The following CHIC2 variants were observed in gnomAD, a reference collection of about 807,000 sequenced individuals.
CHIC2 encodes the protein cysteine-rich hydrophobic domain-containing protein 2.
Under a neutral mutation model 25.9 loss-of-function variants are expected in CHIC2, and 14 were observed. The ratio of observed to expected loss-of-function variants is 0.54; its 90% CI spans 0.36 to 0.85. CHIC2 has a LOEUF of 0.85. Among genes scored for constraint, CHIC2 ranks in the 40% least tolerant of loss-of-function variants. CHIC2 has a pLI of 0.01. For synonymous variants in CHIC2, 70 were observed against 72.0 expected (o/e 0.97, Z 0.14); for missense variants, 146 against 202.0 (o/e 0.72, Z 1.68).
At chr4:54,041,832 G>C (rs1716587554) in intron 3 of CHIC2, among the ~76,000 whole-genome samples, 1 of 152,120 alleles carries the variant, frequency 6.6e-6, no homozygotes, top group African/African-American at 2.4e-5. Flanking sequence ...CTGCTCTAGA[G>C]GGGAACATCA....
At chr4:54,030,247 G>A (rs1044069449) in intron 3 of CHIC2, among the ~76,000 whole-genome samples, 3 of 152,138 alleles carry the variant, frequency 2.0e-5, no homozygotes, top group African/African-American at 7.2e-5. Flanking sequence ...GCCAGGTGCG[G>A]TGGCTCATGC....
chr4:54,048,779 A>G (rs1716910168), intron 3 of CHIC2, 176 bp downstream of exon 3: 1 of 469,002 alleles, frequency 2.1e-6, no homozygotes. Flanking sequence ...TGGCTATTTA[A>G]TAACAGCACT....
the CHIC2 span, among the ~76,000 whole-genome samples, chr4:54,079,704 A>G: frequency 6.6e-6 from 1 of 152,070 alleles, no homozygotes; most frequent in Non-Finnish European, 1.5e-5. Context: ...GCAAATCAAA[A>G]CCACAATGGG....
upstream of CHIC2, among the ~76,000 whole-genome samples, chr4:54,065,581 C>A (rs1717498706): frequency 2.0e-5 from 3 of 152,158 alleles, no homozygotes; most frequent in South Asian, 6.2e-4. Context: ...GTCTACTTAG[C>A]TGCCTAGTAA....
chr4:54,073,210 T>G, the CHIC2 span, among the ~76,000 whole-genome samples: 2 of 152,172 alleles, frequency 1.3e-5, no homozygotes, highest in African/African-American at 4.8e-5. Flanking sequence ...CCATCAGCCT[T>G]GGTTTGGTCA....
At position 54,010,020 on chromosome 4, in the gene CHIC2, C is replaced by T. The variant is rs1715536204; in HGVS notation, c.*75G>A. 1 of 970,002 alleles carries T rather than the reference C, an allele frequency of 1.0e-6. No individual in the cohort carries two copies. Among genetic ancestry groups the T allele is most frequent in the African/African-American group, 1.7e-5 (1 of 59,518 alleles). 60.1% of individuals were successfully genotyped at this position (970,002 alleles called of 1,614,324 possible). On this transcript the variant is annotated 3_prime_UTR_variant, in exon 6 of 6. Coordinates refer to ENST00000263921, the MANE Select transcript of CHIC2 (RefSeq NM_012110.4). Reference sequence around the variant, plus strand: ...ATTCTGTAGAACCAATGTTATGTCACCACCAGGAGAGCACCAAGCAAGGCA... The same window carrying T: ...ATTCTGTAGAACCAATGTTATGTCATCACCAGGAGAGCACCAAGCAAGGCA...
At chr4:54,080,799 G>T in the CHIC2 span, among the ~76,000 whole-genome samples, 4 of 151,240 alleles carry the variant, frequency 2.6e-5, no homozygotes, top group African/African-American at 9.7e-5. Context: ...GTACAGCATG[G>T]TGACAATGGT....
Position 54,009,818 on chromosome 4 carries a change from T to A in CHIC2, c.*277A>T. On this transcript the variant is annotated 3_prime_UTR_variant, in exon 6 of 6. Transcript: ENST00000263921. ...TATGCTAAGTTCAAATGTATTTTTT[T>A]GATAATACAAAAAAGTAATCCTTGA... The A allele has an allele frequency of 3.5e-6, 1 of 285,534 alleles. No homozygotes were observed. Among genetic ancestry groups the A allele is most frequent in the East Asian group, 5.3e-5 (1 of 19,038 alleles). The allele number at this position is 285,534 out of a possible 1,614,324, so 17.7% of individuals were successfully genotyped here. A position where few individuals can be genotyped will look rare whatever the true frequency, so the allele number is the denominator to read the frequency against.
the CHIC2 span, among the ~76,000 whole-genome samples, chr4:54,075,620 C>G: frequency 6.6e-6 from 1 of 152,218 alleles, no homozygotes; most frequent in African/African-American, 2.4e-5. Context: ...GTGGCTCCAT[C>G]TCAGCTCACT....
At chr4:54,027,088 G>GA (rs1716084598) in intron 3 of CHIC2, among the ~76,000 whole-genome samples, 1 of 152,112 alleles carries the variant, frequency 6.6e-6, no homozygotes, top group African/African-American at 2.4e-5. Flanking sequence ...AAAGCTGGAT[G>GA]AAAAAACGAA....
At chr4:54,048,335 A>T (rs1253750944) in intron 3 of CHIC2, among the ~76,000 whole-genome samples, 2 of 152,112 alleles carry the variant, frequency 1.3e-5, no homozygotes, top group African/African-American at 4.8e-5. Context: ...CTTTGAAATT[A>T]TTTTTTCTGA....
chr4:54,090,651 G>T, the CHIC2 span, among the ~76,000 whole-genome samples: 1 of 152,148 alleles, frequency 6.6e-6, no homozygotes, highest in African/African-American at 2.4e-5. Context: ...TGTGCCAAGG[G>T]ATGTCAGGCT....
At chr4:54,090,972 A>G in the CHIC2 span, among the ~76,000 whole-genome samples, 2 of 151,944 alleles carry the variant, frequency 1.3e-5, no homozygotes, top group African/African-American at 4.8e-5. Context: ...GAAGTTCCAA[A>G]ACAAATGAGA....
intron 3 of CHIC2, among the ~76,000 whole-genome samples, chr4:54,024,247 AAGCCGCT>A (rs1444562252): frequency 6.6e-6 from 1 of 152,182 alleles, no homozygotes; most frequent in Non-Finnish European, 1.5e-5. Context: ...TGTAGGTTAC[AAGCCGCT>A]AGCCCATCTC....
chr4:54,015,329 T>C (rs1440997281), intron 3 of CHIC2, among the ~76,000 whole-genome samples: 1 of 151,938 alleles, frequency 6.6e-6, no homozygotes, highest in Non-Finnish European at 1.5e-5. Flanking sequence ...TTCTGAAGAG[T>C]CTTTTTGGCA....
In CHIC2 at chr4:54,032,607, A is replaced by G. The variant is rs140049572; in HGVS notation, c.330+16348T>C. Among the ~76,000 whole-genome samples, 15 of 152,330 alleles carry G rather than the reference A, an allele frequency of 9.8e-5. No homozygotes were observed. The East Asian group carries it at 2.9e-3, about 29-fold the overall frequency. On this transcript the variant is annotated intron_variant, in intron 3 of 5. Transcript: ENST00000263921. The stretch of plus-strand genomic sequence containing the variant: ...ACAGGTCAATTTTATAATGATAAAG[A>G]GGTCAATCACAAAAATCCTGAAAAT...
chr4:54,085,066 A>C, the CHIC2 span, among the ~76,000 whole-genome samples: 1 of 152,000 alleles, frequency 6.6e-6, no homozygotes, highest in Non-Finnish European at 1.5e-5. Context: ...TTATCTCAAA[A>C]TGTTAAAGTG....
Position 54,009,931 on chromosome 4 carries a change from C to A in CHIC2, c.*164G>T, listed in dbSNP as rs1715525027. On this transcript the variant is annotated 3_prime_UTR_variant, in exon 6 of 6. Transcript: ENST00000263921. Reference sequence around the variant, plus strand: ...ACTGTTGCAAAGATTGACAAAAATGCACACTTAGAACATGCGGTTATTTAA... The same window carrying A: ...ACTGTTGCAAAGATTGACAAAAATGAACACTTAGAACATGCGGTTATTTAA... 6.7e-6 allele frequency: 3 copies of A among 445,746 alleles called. No homozygotes were observed. Among genetic ancestry groups the A allele is most frequent in the Non-Finnish European group, 4.1e-6 (1 of 246,312 alleles). 27.6% of individuals were successfully genotyped at this position (445,746 alleles called of 1,614,324 possible). A position where few individuals can be genotyped will look rare whatever the true frequency, so the allele number is the denominator to read the frequency against.
chr4:54,088,533 T>A, the CHIC2 span, among the ~76,000 whole-genome samples: 4 of 150,208 alleles, frequency 2.7e-5, no homozygotes, highest in African/African-American at 9.8e-5. Flanking sequence ...AGGGGAAGAG[T>A]TCTCAACAGA....
Sources: gnomAD v4.1 joint callset for allele counts (sites outside exome capture counted in the v4.1 genomes callset) on GRCh38, gnomAD v4.1.1 for gene constraint, MANE v1.5 for transcripts, NCBI Gene and HGNC (gene_info 2026-07-23, HGNC 2026-07-21) for gene names.